RIN2: variants seen among roughly 807,000 people sequenced by gnomAD.
RIN2 encodes RAB5 interacting protein 2.
In RIN2, 36 loss-of-function variants were observed where a neutral mutation model predicts 78.0. That is an observed-to-expected ratio of 0.46 (90% CI 0.35 to 0.61). The LOEUF (loss-of-function observed/expected upper bound fraction) is 0.61. Ranked by LOEUF, RIN2 falls within the 20% of genes least tolerant of loss-of-function variation. The pLI, the probability that RIN2 is intolerant of heterozygous loss-of-function variation, is 0.00. For synonymous variants in RIN2, 466 were observed against 466.8 expected (o/e 1.00, Z 0.02); for missense variants, 1,087 against 1,159.7 (o/e 0.94, Z 0.91).
chr20:19,894,362 C>T (rs1008525603), intron 3 of RIN2, among the ~76,000 whole-genome samples: 1 of 152,088 alleles, frequency 6.6e-6, no homozygotes, highest in Non-Finnish European at 1.5e-5. Context: ...ACCATCCAGG[C>T]TCCCAATGCT....
chr20:19,902,613 G>T (rs1600741568), intron 3 of RIN2, among the ~76,000 whole-genome samples: 2 of 152,270 alleles, frequency 1.3e-5, no homozygotes, highest in East Asian at 3.9e-4. Flanking sequence ...CAGTCCGAGG[G>T]AGCTGGGGGA....
At chr20:19,770,544 G>C (rs1431737929) in intron 1 of RIN2, among the ~76,000 whole-genome samples, 1 of 152,096 alleles carries the variant, frequency 6.6e-6, no homozygotes, top group Non-Finnish European at 1.5e-5. Context: ...ATCTGGAGGA[G>C]GAAATGTGAA....
intron 2 of RIN2, among the ~76,000 whole-genome samples, chr20:19,826,838 T>A (rs978232928): frequency 2.6e-5 from 4 of 152,144 alleles, no homozygotes; most frequent in South Asian, 2.1e-4. Context: ...AGGCACAAAT[T>A]TTTTTCTTGC....
chr20:19,858,343 G>A (rs1396707412), intron 2 of RIN2, among the ~76,000 whole-genome samples: 1 of 152,158 alleles, frequency 6.6e-6, no homozygotes, highest in African/African-American at 2.4e-5. Context: ...CAAATTAGGG[G>A]AATAGATTGA....
At chr20:19,990,709 G>C (rs1256588834) in intron 10 of RIN2, among the ~76,000 whole-genome samples, 1 of 152,040 alleles carries the variant, frequency 6.6e-6, no homozygotes, top group Non-Finnish European at 1.5e-5. Flanking sequence ...TTTCTTTCAT[G>C]AGGTGGGGAT....
chr20:19,827,365 AC>A (rs2122964813), intron 2 of RIN2, among the ~76,000 whole-genome samples: 1 of 152,306 alleles, frequency 6.6e-6, no homozygotes, highest in South Asian at 2.1e-4. Flanking sequence ...CCCAAACTGG[AC>A]CCTGGGCTTG....
intron 2 of RIN2, among the ~76,000 whole-genome samples, chr20:19,817,706 T>G (rs987861402): frequency 5.3e-5 from 8 of 152,234 alleles, no homozygotes; most frequent in African/African-American, 1.9e-4. Context: ...TTAAATAAAA[T>G]CAATGAATCA....
chr20:19,969,075 G>A (rs570557376), intron 7 of RIN2, among the ~76,000 whole-genome samples: 3 of 151,968 alleles, frequency 2.0e-5, no homozygotes, highest in South Asian at 2.1e-4. Context: ...AGAGTACTAC[G>A]GTGTCAAAAC....
intron 2 of RIN2, among the ~76,000 whole-genome samples, chr20:19,811,826 AT>A (rs747609904): frequency 6.4e-4 from 97 of 151,684 alleles, no homozygotes; most frequent in African/African-American, 2.1e-3. Context: ...TACAAACAAT[AT>A]TTAGAATATG....
Position 19,975,308 on chromosome 20 carries a change from G to C in RIN2, c.1283G>C (p.Arg428Pro), listed in dbSNP as rs761798904. ...SRPPCHGGRQRLSDMSISTSS... is the reference protein window; with the variant it reads ...SRPPCHGGRQPLSDMSISTSS... Reference sequence around the variant, plus strand: ...CCCCCGTGCCATGGAGGCCGGCAGCGGCTGAGCGACATGAGCATTTCTACT... The same window carrying C: ...CCCCCGTGCCATGGAGGCCGGCAGCCGCTGAGCGACATGAGCATTTCTACT... Residue 428 changes from arginine to proline, a missense_variant, in exon 9 of 13, where the codon CGG becomes CCG. Coordinates refer to ENST00000255006, the MANE Select transcript of RIN2 (RefSeq NM_018993.4). The surrounding 1 kb of genome is among the most constrained non-coding windows in gnomAD (Gnocchi z 4.9). 1.2e-6 allele frequency: 2 copies of C among 1,606,964 alleles called. No homozygotes were observed. The highest frequency in any genetic ancestry group is 8.5e-7 in the Non-Finnish European group (1 of 1,176,906).
chr20:19,814,393 G>T (rs950335400), intron 2 of RIN2, among the ~76,000 whole-genome samples: 1 of 150,390 alleles, frequency 6.6e-6, no homozygotes, highest in Non-Finnish European at 1.5e-5. Context: ...CCTCCCCAGT[G>T]CTTCCACAAG....
chr20:19,868,038 G>T (rs2037562942), intron 2 of RIN2, among the ~76,000 whole-genome samples: 1 of 152,228 alleles, frequency 6.6e-6, no homozygotes. Flanking sequence ...GGTGCACAAA[G>T]AGCCGAACCA....
chr20:19,906,328 A>G (rs2039217075), intron 3 of RIN2, among the ~76,000 whole-genome samples: 1 of 152,186 alleles, frequency 6.6e-6, no homozygotes, highest in Non-Finnish European at 1.5e-5. Context: ...ATGCACCTGT[A>G]GCCCTAGCTA....
At chr20:19,960,430 G>A (rs1258787572) in intron 5 of RIN2, among the ~76,000 whole-genome samples, 2 of 152,218 alleles carry the variant, frequency 1.3e-5, no homozygotes, top group Non-Finnish European at 2.9e-5. Flanking sequence ...TCACTGAACT[G>A]AAAATGCTTA....
chr20:19,946,552 T>A (rs1285145384), intron 4 of RIN2, among the ~76,000 whole-genome samples: 3 of 151,886 alleles, frequency 2.0e-5, no homozygotes, highest in Non-Finnish European at 4.4e-5. Flanking sequence ...ACCCCGTCTC[T>A]ACTAAAAATG....
At chr20:19,822,657 CA>C (rs1398239766) in intron 2 of RIN2, among the ~76,000 whole-genome samples, 2 of 150,738 alleles carry the variant, frequency 1.3e-5, no homozygotes, top group Admixed American at 6.6e-5. Flanking sequence ...AAAATACACA[CA>C]CACACACACC....
chr20:19,870,792 A>T (rs1464259880), intron 2 of RIN2, among the ~76,000 whole-genome samples: 1 of 152,094 alleles, frequency 6.6e-6, no homozygotes, highest in African/African-American at 2.4e-5. Context: ...ATGAGATTCC[A>T]CATACACACT....
At chr20:19,793,695 T>C (rs934827526) in intron 1 of RIN2, among the ~76,000 whole-genome samples, 4 of 152,214 alleles carry the variant, frequency 2.6e-5, no homozygotes, top group Admixed American at 2.0e-4. Flanking sequence ...AAGAAACTTA[T>C]TTTACTTTGA....
intron 3 of RIN2, among the ~76,000 whole-genome samples, chr20:19,920,131 A>C (rs568662316): frequency 5.3e-5 from 8 of 150,962 alleles, no homozygotes; most frequent in African/African-American, 1.7e-4. Flanking sequence ...CGTCTCTACT[A>C]AAAATACAAA....
Sources: allele counts gnomAD v4.1 joint callset (sites outside exome capture counted in the v4.1 genomes callset), GRCh38; gene constraint gnomAD v4.1.1; non-coding constraint Gnocchi (gnomAD v3.1); transcripts MANE v1.5; gene names NCBI Gene and HGNC (gene_info 2026-07-23, HGNC 2026-07-21).